Variants in DAB1 observed in about 807,000 individuals in gnomAD.
DAB1 encodes the protein disabled homolog 1.
In DAB1, 15 loss-of-function variants were observed where a neutral mutation model predicts 64.6. The observed-to-expected ratio is 0.23, with a 90% CI of 0.16 to 0.36. The LOEUF (loss-of-function observed/expected upper bound fraction) is 0.36. DAB1 is among the 10% of genes least tolerant of loss of function. The pLI is 1.00. For missense variants in DAB1, 596 were observed against 706.7 expected, an observed-to-expected ratio of 0.84 and a Z score of 1.78; for synonymous variants, 235 against 251.9, an observed-to-expected ratio of 0.93 and a Z score of 0.64.
intron 7 of DAB1, among the ~76,000 whole-genome samples, chr1:57,566,997 C>T (rs540752360): frequency 6.6e-4 from 101 of 152,300 alleles, no homozygotes; most frequent in African/African-American, 2.2e-3. Context: ...AGACCAATGT[C>T]CCTGATGAAC....
rs111910014 is a variant in DAB1, at chr1:57,858,036, G to A, written n.87+25963C>T. On this transcript the variant is annotated intron_variant and non_coding_transcript_variant, in intron 1 of 1. Coordinates refer to the DAB1 transcript ENST00000477280. ...AGTGAGAGAACAAGATCAAGATCCT[G>A]AGTCTATTAACTCTTAATTATGTCA... Among the ~76,000 whole-genome samples, 422 of 151,910 alleles carry A rather than the reference G, an allele frequency of 2.8e-3. 2 individuals carry two copies. Among genetic ancestry groups the A allele is most frequent in the African/African-American group, 9.4e-3 (388 of 41,452 alleles).
chr1:57,692,074 T>C (rs3131769), intron 6 of DAB1, among the ~76,000 whole-genome samples: 111,779 of 151,702 alleles, frequency 0.74, 42,094 homozygotes, highest in East Asian at 0.93. Flanking sequence ...AAAGCCATTC[T>C]GCTCCAGGGT....
chr1:58,529,400 T>G (rs527349042), intron 1 of DAB1, among the ~76,000 whole-genome samples: 1 of 152,216 alleles, frequency 6.6e-6, no homozygotes, highest in African/African-American at 2.4e-5. Flanking sequence ...ACAAAGTAGT[T>G]ATAAAGATTG....
intron 4 of DAB1, among the ~76,000 whole-genome samples, chr1:58,280,280 T>A (rs566212451): frequency 2.6e-5 from 4 of 152,302 alleles, no homozygotes; most frequent in African/African-American, 7.2e-5. Flanking sequence ...CCTTCCCTGA[T>A]CTCCTGTCTC....
chr1:58,132,484 C>A lies in DAB1; in HGVS notation n.387+18027G>T, dbSNP rs967434237. On this transcript the variant is annotated intron_variant and non_coding_transcript_variant, in intron 5 of 20. Transcript: ENST00000485760. ...CTATTCGGCCATCTTGGCTCCTCCC[C>A]CCGGGGCCAATCTTTTTCAAAACAT... Among the ~76,000 whole-genome samples, 16 of 152,104 alleles carry A rather than the reference C, an allele frequency of 1.1e-4. No individual in the cohort carries two copies. In the East Asian group the frequency reaches 3.1e-3, roughly 29 times the overall value.
intron 2 of DAB1, among the ~76,000 whole-genome samples, chr1:57,168,671 T>C (rs989659910): frequency 2.0e-5 from 3 of 152,182 alleles, no homozygotes; most frequent in Non-Finnish European, 2.9e-5. Context: ...ATGCGATTTT[T>C]CCCTTGATCT....
intron 9 of DAB1, among the ~76,000 whole-genome samples, chr1:57,045,945 C>T (rs189702984): frequency 3.9e-5 from 6 of 152,222 alleles, no homozygotes; most frequent in African/African-American, 9.6e-5. Flanking sequence ...ACCTTCCTTT[C>T]GGCATAAGTA....
chr1:58,077,921 T>A (rs541686158), intron 5 of DAB1: 1 of 152,338 alleles, frequency 6.6e-6, no homozygotes, highest in African/African-American at 2.4e-5. Flanking sequence ...CAAGCTGTGC[T>A]CGAGTCTGAG....
intron 5 of DAB1, among the ~76,000 whole-genome samples, chr1:58,058,786 A>G (rs756661101): frequency 1.3e-5 from 2 of 152,228 alleles, no homozygotes; most frequent in Non-Finnish European, 2.9e-5. Context: ...GAAATTGCAT[A>G]TCTGTTCATG....
intron 4 of DAB1, among the ~76,000 whole-genome samples, chr1:58,313,848 T>TGAGA (rs1358014875): frequency 1.4e-5 from 2 of 145,212 alleles, no homozygotes; most frequent in African/African-American, 5.2e-5. Context: ...TGTGTGTGTG[T>TGAGA]GTGTGTGTGA....
At chr1:57,309,681 C>T (rs746235281) in intron 1 of DAB1, among the ~76,000 whole-genome samples, 1 of 151,950 alleles carries the variant, frequency 6.6e-6, no homozygotes, top group African/African-American at 2.4e-5. Context: ...ACAACCTGGG[C>T]AAATTAATTT....
chr1:57,324,256 G>T (rs76054128), intron 1 of DAB1, among the ~76,000 whole-genome samples: 11,789 of 152,202 alleles, frequency 0.077, 1,446 homozygotes, highest in African/African-American at 0.26. Flanking sequence ...GAGTCGGGAT[G>T]CTCAGGAATT....
At chr1:57,195,191 AAC>A (rs1557912481) in intron 2 of DAB1, among the ~76,000 whole-genome samples, 1 of 151,998 alleles carries the variant, frequency 6.6e-6, no homozygotes, top group Non-Finnish European at 1.5e-5. Context: ...GTATTCATCA[AAC>A]GTTTATGGAA....
At chr1:57,109,628 C>T (rs1488417276) in intron 4 of DAB1, among the ~76,000 whole-genome samples, 6 of 152,148 alleles carry the variant, frequency 3.9e-5, no homozygotes, top group African/African-American at 1.4e-4. Context: ...TAAATGCTAG[C>T]TAATATTTTG....
intron 5 of DAB1, among the ~76,000 whole-genome samples, chr1:58,051,153 C>T (rs1647631138): frequency 6.6e-6 from 1 of 152,090 alleles, no homozygotes; most frequent in Non-Finnish European, 1.5e-5. Context: ...CACCCATGAA[C>T]TCATCATTTA....
At chr1:58,466,501 T>C (rs1443300637) in intron 3 of DAB1, among the ~76,000 whole-genome samples, 1 of 151,210 alleles carries the variant, frequency 6.6e-6, no homozygotes, top group Non-Finnish European at 1.5e-5. Context: ...CCAAGGGAGG[T>C]CCCTGAAGCC....
At chr1:58,097,643 G>A (rs940682523) in intron 5 of DAB1, among the ~76,000 whole-genome samples, 4 of 152,202 alleles carry the variant, frequency 2.6e-5, no homozygotes, top group Admixed American at 6.5e-5. Context: ...AGACCTTAAG[G>A]CAAAGAAGAG....
At chr1:58,258,690 C>A (rs541681636) in intron 4 of DAB1, among the ~76,000 whole-genome samples, 6 of 152,240 alleles carry the variant, frequency 3.9e-5, no homozygotes, top group Non-Finnish European at 8.8e-5. Flanking sequence ...AGATAAGGAA[C>A]CCAGACCTCA....
intron 4 of DAB1, among the ~76,000 whole-genome samples, chr1:58,323,403 T>C (rs924200394): frequency 6.6e-6 from 1 of 152,250 alleles, no homozygotes; most frequent in East Asian, 1.9e-4. Context: ...GTCTGTTCTC[T>C]TTTTAGTATT....
Sources: allele counts gnomAD v4.1 joint callset (sites outside exome capture counted in the v4.1 genomes callset), GRCh38; gene constraint gnomAD v4.1.1; transcripts MANE v1.5; gene names NCBI Gene and HGNC (gene_info 2026-07-23, HGNC 2026-07-21).